Variants in CACNB2 observed in about 807,000 individuals in gnomAD.
CACNB2 encodes voltage-dependent L-type calcium channel subunit beta-2.
A neutral mutation model predicts 73.3 loss-of-function variants in CACNB2; 42 were observed. The observed-to-expected ratio is 0.57, with a 90% CI of 0.45 to 0.74. The LOEUF (loss-of-function observed/expected upper bound fraction) is 0.74, where lower values mean the gene tolerates loss of function less well. Ranked by LOEUF, CACNB2 falls within the 30% of genes least tolerant of loss-of-function variation. CACNB2 has a pLI of 0.00. For missense variants in CACNB2, 940 were observed against 853.0 expected (o/e 1.10, Z -1.27); for synonymous variants, 348 against 310.3 (o/e 1.12, Z -1.28).
intron 3 of CACNB2, among the ~76,000 whole-genome samples, chr10:18,413,323 G>A (rs16917309): frequency 0.039 from 5,959 of 152,194 alleles, 307 homozygotes; most frequent in South Asian, 0.13. Context: ...TTGAATGAAG[G>A]GTTTCACCTC....
intron 2 of CACNB2, among the ~76,000 whole-genome samples, chr10:18,313,537 A>G (rs1030623755): frequency 6.6e-6 from 1 of 152,066 alleles, no homozygotes; most frequent in Admixed American, 6.5e-5. Context: ...CTCAGTTCCT[A>G]TCTTTGGAGC....
chr10:18,316,531 A>G (rs1192191572), intron 2 of CACNB2, among the ~76,000 whole-genome samples: 1 of 150,884 alleles, frequency 6.6e-6, no homozygotes, highest in Non-Finnish European at 1.5e-5. Flanking sequence ...TGGTGTGGCC[A>G]TAGCTCATTA....
At chr10:18,291,164 T>C (rs574528816) in intron 2 of CACNB2, among the ~76,000 whole-genome samples, 4 of 152,344 alleles carry the variant, frequency 2.6e-5, no homozygotes, top group East Asian at 3.9e-4. Flanking sequence ...CCTGAGACTA[T>C]GTATTATTTA....
chr10:18,286,855 G>T (rs2038826073), intron 2 of CACNB2, among the ~76,000 whole-genome samples: 1 of 152,158 alleles, frequency 6.6e-6, no homozygotes, highest in Non-Finnish European at 1.5e-5. Context: ...TCAGTCAGAA[G>T]TTACTGAAAA....
intron 2 of CACNB2, among the ~76,000 whole-genome samples, chr10:18,205,150 T>C (rs2035038312): frequency 6.6e-6 from 1 of 152,294 alleles, no homozygotes; most frequent in East Asian, 1.9e-4. Context: ...TTTCAACATA[T>C]GTTATTAACA....
At chr10:18,298,950 G>C (rs1455101875) in intron 2 of CACNB2, among the ~76,000 whole-genome samples, 1 of 151,874 alleles carries the variant, frequency 6.6e-6, no homozygotes, top group African/African-American at 2.4e-5. Context: ...TGCACTGTGA[G>C]AGGCTTCAAA....
chr10:18,272,276 C>T (rs557151415), intron 2 of CACNB2, among the ~76,000 whole-genome samples: 6 of 152,020 alleles, frequency 3.9e-5, no homozygotes, highest in Non-Finnish European at 8.8e-5. Context: ...TTTCAAGGCT[C>T]GTAGTTAAGG....
intron 2 of CACNB2, among the ~76,000 whole-genome samples, chr10:18,385,234 G>A (rs1299933114): frequency 6.6e-6 from 1 of 151,402 alleles, no homozygotes; most frequent in Non-Finnish European, 1.5e-5. Context: ...AGTGAGCCGA[G>A]ATTATGCCAC....
chr10:18,512,030 C>T (rs1441233621), intron 6 of CACNB2, among the ~76,000 whole-genome samples: 1 of 152,128 alleles, frequency 6.6e-6, no homozygotes, highest in Non-Finnish European at 1.5e-5. Context: ...TGATAAAATT[C>T]TGTAGCTATT....
chr10:18,208,207 C>G (rs1031709266), intron 2 of CACNB2, among the ~76,000 whole-genome samples: 3 of 152,168 alleles, frequency 2.0e-5, no homozygotes, highest in African/African-American at 7.2e-5. Context: ...TGGCTCATGC[C>G]TGTAACCTCA....
At chr10:18,533,070 T>C (rs1425734281) in intron 10 of CACNB2, 7 of 152,118 alleles carry the variant, frequency 4.6e-5, no homozygotes, top group Non-Finnish European at 1.0e-4. Context: ...TAAAATTATC[T>C]CCAGGAAGCT....
intron 3 of CACNB2, among the ~76,000 whole-genome samples, chr10:18,442,097 G>A (rs376783456): frequency 6.6e-6 from 1 of 152,198 alleles, no homozygotes; most frequent in Non-Finnish European, 1.5e-5. Flanking sequence ...GACAGGATGA[G>A]GGAGGTGGAA....
At chr10:18,515,163 C>A in intron 7 of CACNB2, 1 of 796,298 alleles carries the variant, frequency 1.3e-6, no homozygotes, top group Non-Finnish European at 2.2e-6. Flanking sequence ...GAGCCTTTGC[C>A]ATTGGCCATC....
chr10:18,328,042 G>A lies in CACNB2; in HGVS notation c.214-73882G>A, dbSNP rs547065987. The stretch of plus-strand genomic sequence containing the variant: ...GGTAAGTGGTGAGCTTTTGTAGCCA[G>A]TTCTGGAAAGAGGACCTGAAAAGAT... On this transcript the variant is annotated intron_variant, in intron 2 of 13. Transcript: ENST00000324631. 2.0e-5 allele frequency among the ~76,000 whole-genome samples: 3 copies of A among 152,328 alleles called. No homozygotes were observed. The South Asian group carries it at 6.2e-4, about 32-fold the overall frequency.
rs1273008342 is a variant in CACNB2, at chr10:18,210,764, C to G, written c.213+59789C>G. Among the ~76,000 whole-genome samples, 3 of 152,182 alleles carry G rather than the reference C, an allele frequency of 2.0e-5. No homozygotes were observed. The East Asian group carries it at 5.8e-4, about 29-fold the overall frequency. On this transcript the variant is annotated intron_variant, in intron 2 of 13. Transcript: ENST00000324631. ...CAAGGAATGTTTCCTCTCAACCTGTCTCATCATTGAGATCAAGGAACTTAA... is the reference window on the plus strand; with the variant it reads ...CAAGGAATGTTTCCTCTCAACCTGTGTCATCATTGAGATCAAGGAACTTAA...
chr10:18,144,501 C>CCTG (rs1393811361), intron 1 of CACNB2, among the ~76,000 whole-genome samples: 2 of 152,186 alleles, frequency 1.3e-5, no homozygotes, highest in Non-Finnish European at 2.9e-5. Flanking sequence ...TCAGCGTGAA[C>CCTG]CTGGACACAG....
intron 3 of CACNB2, among the ~76,000 whole-genome samples, chr10:18,464,418 T>TAAAATAAAAAAAAAAAAAAAAAAAAAA (rs1554824204): frequency 7.5e-4 from 64 of 85,296 alleles, no homozygotes; most frequent in Admixed American, 1.1e-3. Context: ...TCTCAAAAAT[T>TAAAATAAAAAAAAAAAAAAAAAAAAAA]AAAAAAAAAA....
chr10:18,416,892 C>A (rs1293227941), intron 3 of CACNB2, among the ~76,000 whole-genome samples: 1 of 151,522 alleles, frequency 6.6e-6, no homozygotes, highest in African/African-American at 2.4e-5. Flanking sequence ...AAGGATCTTG[C>A]CCAAGCTCAC....
rs532688576 is a variant in CACNB2 at position 18,398,759 on chromosome 10, T to A, written c.214-3165T>A. 1.6e-4 allele frequency among the ~76,000 whole-genome samples: 25 copies of A among 151,844 alleles called. 1 individual carries two copies. The South Asian group carries it at 5.2e-3, about 32-fold the overall frequency. On this transcript the variant is annotated intron_variant, in intron 2 of 13. Coordinates refer to ENST00000324631, the MANE Select transcript of CACNB2 (RefSeq NM_201596.3). ...TATATACTATCAGAGATACAAGGAATGAAGGTAATCCAGCTCTTTCTATGC... is the reference window on the plus strand; with the variant it reads ...TATATACTATCAGAGATACAAGGAAAGAAGGTAATCCAGCTCTTTCTATGC...
Sources: gnomAD v4.1 joint callset for allele counts (sites outside exome capture counted in the v4.1 genomes callset) on GRCh38, gnomAD v4.1.1 for gene constraint, MANE v1.5 for transcripts, NCBI Gene and HGNC (gene_info 2026-07-23, HGNC 2026-07-21) for gene names.